Variants in ZNF317 observed in about 807,000 individuals in gnomAD.
ZNF317 encodes the protein KRAB-containing zinc finger protein 317.
A neutral mutation model predicts 23.4 loss-of-function variants in ZNF317; 17 were observed. The observed-to-expected ratio is 0.73, with a 90% CI of 0.50 to 1.09. The LOEUF is 1.09. Ranked by LOEUF, ZNF317 falls within the 50% of genes least tolerant of loss-of-function variation. The pLI is 0.00. For synonymous variants in ZNF317, 317 were observed against 314.9 expected (o/e 1.01, Z -0.07); for missense variants, 679 against 796.7 (o/e 0.85, Z 1.78).
In ZNF317 at chr19:9,156,661, T is replaced by C; in HGVS notation, c.75T>C (p.Val25=). The change falls in exon 3 of 7, where the codon GTT becomes GTC. Residue 25 remains valine (V), a synonymous_variant. Transcript: ENST00000247956. ...STCLQDSEFP[V]SSKDHSCPQN... is the part of the protein sequence containing the mutation. ...GTCTCCAGGACTCAGAATTTCCTGT[T>C]TCTTCAAAAGACCATTCCTGTCCCC... 1 of 1,614,144 alleles carries C rather than the reference T, an allele frequency of 6.2e-7. No individual in the cohort carries two copies. The highest frequency in any genetic ancestry group is 1.1e-5 in the South Asian group (1 of 91,082).
chr19:9,146,042 T>C (rs1025246563), intron 1 of ZNF317, among the ~76,000 whole-genome samples: 9 of 152,104 alleles, frequency 5.9e-5, no homozygotes, highest in Admixed American at 5.9e-4. Flanking sequence ...TACTTAGGGC[T>C]TTTGTTGTGG....
At chr19:9,156,066 C>T in intron 2 of ZNF317, 25 bp downstream of exon 2, 2 of 1,613,950 alleles carry the variant, frequency 1.2e-6, no homozygotes, top group South Asian at 2.2e-5. Flanking sequence ...CAGTGCGTGC[C>T]CTGAGAAAGT....
At chr19:9,143,474 A>T (rs1310457653) in intron 1 of ZNF317, among the ~76,000 whole-genome samples, 1 of 152,138 alleles carries the variant, frequency 6.6e-6, no homozygotes, top group Non-Finnish European at 1.5e-5. Flanking sequence ...TTTTAATTAT[A>T]AATATCAAAT....
Position 9,160,102 on chromosome 19 carries a change from C to G in ZNF317, c.469-12C>G. On this transcript the variant is annotated splice_polypyrimidine_tract_variant and intron_variant, in intron 6 of 6. Coordinates refer to ENST00000247956, the MANE Select transcript of ZNF317 (RefSeq NM_020933.5). The surrounding 1 kb of genome is among the most constrained non-coding windows in gnomAD (Gnocchi z 6.8). ...GAATTGCCTTTGTCAGCACTTACGT[C>G]TTAACCAACAGGAAAGAGCCGGTCT... is the stretch of plus-strand genomic sequence containing the variant. 6.2e-7 allele frequency: 1 copy of G among 1,613,548 alleles called. No homozygotes were observed. The highest frequency in any genetic ancestry group is 8.5e-7 in the Non-Finnish European group (1 of 1,179,492).
At position 9,160,086 on chromosome 19, in the gene ZNF317, T is replaced by C. The variant is rs1443619905; in HGVS notation, c.469-28T>C. 3.1e-6 allele frequency: 5 copies of C among 1,611,922 alleles called. No homozygotes were observed. The South Asian group carries it at 5.5e-5, about 18-fold the overall frequency. On this transcript the variant is annotated intron_variant, in intron 6 of 6. Coordinates refer to ENST00000247956, the MANE Select transcript of ZNF317 (RefSeq NM_020933.5). The surrounding 1 kb of genome is among the most constrained non-coding windows in gnomAD (Gnocchi z 6.8). ...GTTGCAATGAATATGAGAATTGCCT[T>C]TGTCAGCACTTACGTCTTAACCAAC...
intron 2 of ZNF317, 137 bp downstream of exon 2, chr19:9,156,178 C>A: frequency 9.1e-7 from 1 of 1,093,902 alleles, no homozygotes; most frequent in Non-Finnish European, 1.4e-6. Context: ...GGAACAGAGC[C>A]CCAGCAGCCA....
At position 9,160,334 on chromosome 19, in the gene ZNF317, C is replaced by G; in HGVS notation, c.689C>G (p.Ala230Gly). Residue 230 changes from alanine to glycine, a missense_variant, in exon 7 of 7, where the codon GCC becomes GGC. By Grantham distance (60) the Ala-to-Gly change is moderately conservative. Coordinates refer to ENST00000247956, the MANE Select transcript of ZNF317 (RefSeq NM_020933.5). This position sits in a 1 kb window ranked among gnomAD's most constrained non-coding sequence, Gnocchi z 6.8. ...KMHECHQCQK[A>G]FTTSASLTRH... Reference sequence around the variant, plus strand: ...CATGAATGTCATCAGTGCCAAAAAGCCTTCACCACGAGCGCGTCCCTCACA... The same window carrying G: ...CATGAATGTCATCAGTGCCAAAAAGGCTTCACCACGAGCGCGTCCCTCACA... 1.1e-5 allele frequency: 17 copies of G among 1,614,164 alleles called. No individual in the cohort carries two copies. The highest frequency in any genetic ancestry group is 1.4e-5 in the Non-Finnish European group (17 of 1,180,040).
intron 1 of ZNF317, among the ~76,000 whole-genome samples, chr19:9,146,130 T>C (rs2050680890): frequency 6.6e-6 from 1 of 152,014 alleles, no homozygotes; most frequent in African/African-American, 2.4e-5. Flanking sequence ...GAATGTTAAT[T>C]TCTTGCCAGC....
In ZNF317 at chr19:9,160,652, G is replaced by A. The variant is rs981260877; in HGVS notation, c.1007G>A (p.Cys336Tyr). The A allele has an allele frequency of 1.9e-6, 3 of 1,614,030 alleles. No individual in the cohort carries two copies. Among genetic ancestry groups the A allele is most frequent in the Non-Finnish European group, 2.5e-6 (3 of 1,180,046 alleles). ...CACACCGGAGAGAGGCCCTACGAGT[G>A]TCACGACTGTGGGAAAGCTTTCCAG... ...RTHTGERPYE[C>Y]HDCGKAFQHP... Residue 336 changes from cysteine to tyrosine, a missense_variant, in exon 7 of 7, where the codon TGT becomes TAT. Transcript: ENST00000247956. The surrounding 1 kb of genome is among the most constrained non-coding windows in gnomAD (Gnocchi z 6.8).
chr19:9,161,206 A>G lies in ZNF317; in HGVS notation c.1561A>G (p.Met521Val). 6.2e-7 allele frequency: 1 copy of G among 1,613,168 alleles called. No individual in the cohort carries two copies. Among genetic ancestry groups the G allele is most frequent in the African/African-American group, 1.3e-5 (1 of 74,944 alleles). ...GAACCAGTCAACGCTGAAGACGCACATGCGAAGCCACACGGGGGAGAAACC... is the reference window on the plus strand; with the variant it reads ...GAACCAGTCAACGCTGAAGACGCACGTGCGAAGCCACACGGGGGAGAAACC... The part of the protein sequence containing the change: ...FRNQSTLKTH[M>V]RSHTGEKPYE... Residue 521 changes from methionine (M) to valine (V), a missense_variant, in exon 7 of 7, where the codon ATG becomes GTG. Transcript: ENST00000247956. This position sits in a 1 kb window ranked among gnomAD's most constrained non-coding sequence, Gnocchi z 4.0.
At chr19:9,140,965 A>G (rs2050623849) in intron 1 of ZNF317, among the ~76,000 whole-genome samples, 1 of 152,166 alleles carries the variant, frequency 6.6e-6, no homozygotes, top group Admixed American at 6.5e-5. Context: ...AGTCAATTTT[A>G]TCTCGTGAAT....
rs1256553495 is a variant in ZNF317 at position 9,161,710 on chromosome 19, TTGGCATTTAATGTCAAAATCCAAGCCG to T, written c.*297_*323del. The T allele has an allele frequency of 5.1e-6, 2 of 389,186 alleles. No homozygotes were observed. Among genetic ancestry groups the T allele is most frequent in the East Asian group, 4.5e-5 (1 of 22,432 alleles). The allele number at this position is 389,186 out of a possible 1,614,324, so 24.1% of individuals were successfully genotyped here. ...AAACACAGGAGGACTTAATGGCAGCTTGGCATTTAATGTCAAAATCCAAGCCGTGGCATTTAATGTCAAAATGACTTC... is the reference window on the plus strand; with the variant it reads ...AAACACAGGAGGACTTAATGGCAGCTTGGCATTTAATGTCAAAATGACTTC... On this transcript the variant is annotated 3_prime_UTR_variant, in exon 7 of 7. Transcript: ENST00000247956. The surrounding 1 kb of genome is among the most constrained non-coding windows in gnomAD (Gnocchi z 4.0).
intron 1 of ZNF317, among the ~76,000 whole-genome samples, chr19:9,149,198 TG>T (rs1261056548): frequency 7.2e-5 from 11 of 151,988 alleles, no homozygotes; most frequent in African/African-American, 2.7e-4. Context: ...AGTGGAGAAT[TG>T]GGATTGAAAG....
At chr19:9,144,507 A>C (rs1408157418) in intron 1 of ZNF317, among the ~76,000 whole-genome samples, 1 of 151,570 alleles carries the variant, frequency 6.6e-6, no homozygotes, top group Non-Finnish European at 1.5e-5. Flanking sequence ...TTTTCTGTAC[A>C]TTTTGAATTT....
At position 9,161,320 on chromosome 19, in the gene ZNF317, G is replaced by T; in HGVS notation, c.1675G>T (p.Glu559Ter). Residue 559 changes from glutamate (E) to a stop codon, truncating the protein, a stop_gained, in exon 7 of 7, where the codon GAA becomes TAA. Coordinates refer to ENST00000247956, the MANE Select transcript of ZNF317 (RefSeq NM_020933.5). LOFTEE classifies it low-confidence loss of function (END_TRUNC). The surrounding 1 kb of genome is among the most constrained non-coding windows in gnomAD (Gnocchi z 4.0). ...RRIHTGEKPY[E>*]CLVCGKAFSD... is the part of the protein sequence containing the mutation. ...GATCCACACCGGGGAGAAGCCCTAC[G>T]AATGCCTTGTCTGCGGGAAAGCCTT... is the stretch of plus-strand genomic sequence containing the variant. 6.2e-7 allele frequency: 1 copy of T among 1,613,998 alleles called. No individual in the cohort carries two copies. Among genetic ancestry groups the T allele is most frequent in the Non-Finnish European group, 8.5e-7 (1 of 1,179,926 alleles).
chr19:9,157,836 AT>A (rs1484764803), intron 4 of ZNF317, 143 bp from the exon 5 acceptor site: 1 of 1,397,818 alleles, frequency 7.2e-7, no homozygotes, highest in Admixed American at 3.2e-5. Context: ...TTCCTTAGAA[AT>A]TTTGGCACCA....
Position 9,158,363 on chromosome 19 carries a change from C to CTTTTTTTTTTTTTTTTTTTTTT in ZNF317, c.385+295_385+316dup, listed in dbSNP as rs200591339. ...CTGAATTGCCTTAAATTTCTTTTTTCTTTTTTTTTTTTTTTTTTTTTTTTT... is the reference window on the plus strand; with the variant it reads ...CTGAATTGCCTTAAATTTCTTTTTTCTTTTTTTTTTTTTTTTTTTTTTTTTTTTTTTTTTTTTTTTTTTTTTT... On this transcript the variant is annotated intron_variant, in intron 5 of 6. Coordinates refer to ENST00000247956, the MANE Select transcript of ZNF317 (RefSeq NM_020933.5). Among the ~76,000 whole-genome samples, 65 of 76,534 alleles carry CTTTTTTTTTTTTTTTTTTTTTT rather than the reference C, an allele frequency of 8.5e-4. 15 individuals are homozygous for CTTTTTTTTTTTTTTTTTTTTTT. The highest frequency in any genetic ancestry group is 1.1e-3 in the Admixed American group (6 of 5,684). The allele number at this position is 76,534 out of a possible 152,430, so 50.2% of individuals were successfully genotyped here.
chr19:9,143,055 A>G (rs2050648375), intron 1 of ZNF317, among the ~76,000 whole-genome samples: 1 of 151,980 alleles, frequency 6.6e-6, no homozygotes, highest in South Asian at 2.1e-4. Context: ...TTTTAAAGCT[A>G]TTGTTTCTGT....
Position 9,161,450 on chromosome 19 carries a change from GAC to G in ZNF317, c.*21_*22del. On this transcript the variant is annotated 3_prime_UTR_variant, in exon 7 of 7. Coordinates refer to ENST00000247956, the MANE Select transcript of ZNF317 (RefSeq NM_020933.5). The surrounding 1 kb of genome is among the most constrained non-coding windows in gnomAD (Gnocchi z 4.0). Reference sequence around the variant, plus strand: ...CTCCAGTGAGCGCGCCTGCTTTAGAGACACAGGATGATTCAGACCGGAAACAG... The same window carrying G: ...CTCCAGTGAGCGCGCCTGCTTTAGAGACAGGATGATTCAGACCGGAAACAG... The G allele has an allele frequency of 6.3e-7, 1 of 1,595,850 alleles. No homozygotes were observed. Among genetic ancestry groups the G allele is most frequent in the Non-Finnish European group, 8.6e-7 (1 of 1,168,866 alleles).
Sources: gnomAD v4.1 joint callset for allele counts (sites outside exome capture counted in the v4.1 genomes callset) on GRCh38, gnomAD v4.1.1 for gene constraint, Gnocchi (gnomAD v3.1) non-coding constraint, MANE v1.5 for transcripts, NCBI Gene and HGNC (gene_info 2026-07-23, HGNC 2026-07-21) for gene names.